PRKCH: variants seen among roughly 807,000 people sequenced by gnomAD.
The protein encoded by PRKCH is protein kinase C eta type.
PRKCH carries 28 observed loss-of-function variants against 82.5 expected under a neutral mutation model. That is an observed-to-expected ratio of 0.34 (90% CI 0.25 to 0.47). PRKCH has a LOEUF of 0.47. Ranked by LOEUF, PRKCH falls within the 20% of genes least tolerant of loss-of-function variation. The pLI, the probability that PRKCH is intolerant of heterozygous loss-of-function variation, is 1.00. For missense variants in PRKCH, 705 were observed against 881.8 expected (o/e 0.80, Z 2.54); for synonymous variants, 322 against 327.4 (o/e 0.98, Z 0.18).
At chr14:61,222,338 T>C (rs1358703139) in intron 1 of PRKCH, among the ~76,000 whole-genome samples, 2 of 152,236 alleles carry the variant, frequency 1.3e-5, no homozygotes, top group African/African-American at 4.8e-5. Flanking sequence ...ATAGTGTGTG[T>C]TTTTGTTATT....
In PRKCH at chr14:61,450,802, T is replaced by A. The variant is rs747467150; in HGVS notation, c.703-40T>A. ...ACAGTTTTTACAAAGGACATTGGTA[T>A]GACATTTTAGCTCTTGTCCCTTTAT... On this transcript the variant is annotated intron_variant, in intron 5 of 13. Coordinates refer to ENST00000332981, the MANE Select transcript of PRKCH (RefSeq NM_006255.5). 27 of 1,602,040 alleles carry A rather than the reference T, an allele frequency of 1.7e-5. No individual in the cohort carries two copies. In the East Asian group the frequency reaches 6.0e-4, roughly 36 times the overall value.
At chr14:61,281,093 T>C in intron 1 of PRKCH, 1 of 1,496,344 alleles carries the variant, frequency 6.7e-7, no homozygotes, top group Non-Finnish European at 8.9e-7. Flanking sequence ...CGCTGCTGAG[T>C]GAAGGCGGTG....
chr14:61,273,416 T>C (rs1341689115), intron 1 of PRKCH, among the ~76,000 whole-genome samples: 1 of 152,212 alleles, frequency 6.6e-6, no homozygotes, highest in Admixed American at 6.5e-5. Flanking sequence ...CTGGGGTAAT[T>C]ACCAGGCAGG....
chr14:61,491,626 A>G (rs1239619397), intron 10 of PRKCH, among the ~76,000 whole-genome samples: 1 of 152,244 alleles, frequency 6.6e-6, no homozygotes, highest in African/African-American at 2.4e-5. Context: ...CTTCAAGGAT[A>G]TGATGGAGAG....
chr14:61,419,459 C>T (rs1050983398), intron 2 of PRKCH, among the ~76,000 whole-genome samples: 1 of 150,644 alleles, frequency 6.6e-6, no homozygotes, highest in Non-Finnish European at 1.5e-5. Context: ...TGGCTTCTAC[C>T]CTCCAGATGA....
chr14:61,484,891 T>A (rs6573393), intron 9 of PRKCH, among the ~76,000 whole-genome samples: 2,007 of 151,712 alleles, frequency 0.013, 42 homozygotes, highest in African/African-American at 0.045. Context: ...GCCTAATTTT[T>A]TTTTTATTTT....
Position 61,344,078 on chromosome 14 carries a change from A to G in PRKCH, c.363+21614A>G, listed in dbSNP as rs147065887. Among the ~76,000 whole-genome samples the G allele has an allele frequency of 4.2e-3, 636 of 152,236 alleles. 2 individuals are homozygous for G. The highest frequency in any genetic ancestry group is 0.011 in the African/African-American group (450 of 41,530). ...CACCATGGAGCTTGTCATTTGAGGG[A>G]CACAGCTTGCTTGTGTGCTTGGGAA... On this transcript the variant is annotated intron_variant, in intron 1 of 13. Coordinates refer to ENST00000332981, the MANE Select transcript of PRKCH (RefSeq NM_006255.5).
chr14:61,517,838 C>T (rs867440997), intron 10 of PRKCH, among the ~76,000 whole-genome samples: 7 of 152,246 alleles, frequency 4.6e-5, no homozygotes, highest in Admixed American at 2.6e-4. Context: ...CATGCACATG[C>T]CCTGCAGGCA....
chr14:61,425,935 C>T (rs1260902521), intron 2 of PRKCH, among the ~76,000 whole-genome samples: 1 of 152,196 alleles, frequency 6.6e-6, no homozygotes, highest in African/African-American at 2.4e-5. Context: ...TCTCCCTTCA[C>T]TTCTCCCACA....
At chr14:61,335,449 A>G (rs2045844278) in intron 1 of PRKCH, among the ~76,000 whole-genome samples, 2 of 152,226 alleles carry the variant, frequency 1.3e-5, no homozygotes, top group Non-Finnish European at 2.9e-5. Context: ...TAGTGGTATA[A>G]CTGATAGGGC....
rs57920054 is a variant in PRKCH at position 61,528,973 on chromosome 14, CGTGTGTGTGTGTGT to C, written c.1434-82_1434-69del. 12 of 567,216 alleles carry C rather than the reference CGTGTGTGTGTGTGT, an allele frequency of 2.1e-5. 1 individual carries two copies. The highest frequency in any genetic ancestry group is 6.6e-5 in the South Asian group (2 of 30,158). 35.1% of individuals were successfully genotyped at this position (567,216 alleles called of 1,614,324 possible). ...GCTCATGCGGCCGCATGTGGCCGCACGTGTGTGTGTGTGTGTGTGTGTGTGTGTGTGTGCCCATT... is the reference window on the plus strand; with the variant it reads ...GCTCATGCGGCCGCATGTGGCCGCACGTGTGTGTGTGTGTGTGTGCCCATT... On this transcript the variant is annotated intron_variant, in intron 10 of 13. Coordinates refer to ENST00000332981, the MANE Select transcript of PRKCH (RefSeq NM_006255.5).
rs375617319 is a variant in PRKCH, at chr14:61,547,854, C to A, written c.1873C>A (p.Arg625Ser). 1.9e-6 allele frequency: 3 copies of A among 1,613,818 alleles called. No homozygotes were observed. Among genetic ancestry groups the A allele is most frequent in the African/African-American group, 1.3e-5 (1 of 74,924 alleles). Reference sequence around the variant, plus strand: ...AATCGACTGGGCCCAGCTGAACCATCGCCAAATAGAACCGCCTTTCAGACC... The same window carrying A: ...AATCGACTGGGCCCAGCTGAACCATAGCCAAATAGAACCGCCTTTCAGACC... ...KEIDWAQLNHRQIEPPFRPRI... is the reference protein window; with the variant it reads ...KEIDWAQLNHSQIEPPFRPRI... The change falls in exon 13 of 14, where the codon CGC becomes AGC. Residue 625 changes from arginine to serine, a missense_variant. Coordinates refer to ENST00000332981, the MANE Select transcript of PRKCH (RefSeq NM_006255.5).
chr14:61,386,547 G>A (rs1027094877), intron 1 of PRKCH, among the ~76,000 whole-genome samples: 5 of 152,142 alleles, frequency 3.3e-5, no homozygotes, highest in African/African-American at 1.2e-4. Context: ...TTCTGGCGTG[G>A]CCTACTGGGT....
At chr14:61,270,039 G>C (rs907828578) in intron 1 of PRKCH, among the ~76,000 whole-genome samples, 1 of 152,216 alleles carries the variant, frequency 6.6e-6, no homozygotes, top group Non-Finnish European at 1.5e-5. Context: ...TGAGCCCACT[G>C]CTTGGCTGCT....
At chr14:61,188,429 C>T (rs2044380427) in intron 1 of PRKCH, among the ~76,000 whole-genome samples, 1 of 152,032 alleles carries the variant, frequency 6.6e-6, no homozygotes, top group African/African-American at 2.4e-5. Flanking sequence ...GCTCTGGCTC[C>T]GGCTCCGGCT....
At chr14:61,385,034 T>A (rs2046566341) in intron 1 of PRKCH, among the ~76,000 whole-genome samples, 2 of 152,086 alleles carry the variant, frequency 1.3e-5, no homozygotes, top group South Asian at 4.1e-4. Context: ...CACATTTTTT[T>A]AAAGACCACT....
intron 7 of PRKCH, among the ~76,000 whole-genome samples, chr14:61,455,534 G>A (rs1419155008): frequency 1.3e-5 from 2 of 152,170 alleles, no homozygotes; most frequent in Non-Finnish European, 2.9e-5. Flanking sequence ...GGGTAGGCGG[G>A]CAGGATGCCA....
intron 9 of PRKCH, among the ~76,000 whole-genome samples, chr14:61,462,913 A>G (rs1885093057): frequency 6.6e-6 from 1 of 152,250 alleles, no homozygotes; most frequent in Admixed American, 6.5e-5. Flanking sequence ...TGTAAGTGGC[A>G]GAGACAAAGT....
At chr14:61,413,612 C>T (rs2036922539) in intron 2 of PRKCH, among the ~76,000 whole-genome samples, 1 of 152,078 alleles carries the variant, frequency 6.6e-6, no homozygotes, top group Admixed American at 6.6e-5. Flanking sequence ...TCCTCACGAA[C>T]TTTGCTTCCC....
Sources: allele counts gnomAD v4.1 joint callset (sites outside exome capture counted in the v4.1 genomes callset), GRCh38; gene constraint gnomAD v4.1.1; transcripts MANE v1.5; gene names NCBI Gene and HGNC (gene_info 2026-07-23, HGNC 2026-07-21).